The following N4BP2L2 variants were observed in gnomAD, a reference collection of about 807,000 sequenced individuals.
N4BP2L2 encodes the protein NEDD4-binding protein 2-like 2.
A neutral mutation model predicts 56.2 loss-of-function variants in N4BP2L2; 50 were observed. The ratio of observed to expected loss-of-function variants is 0.89; its 90% CI spans 0.71 to 1.13. The LOEUF (loss-of-function observed/expected upper bound fraction) is 1.13, where lower values mean the gene tolerates loss of function less well. Ranked by LOEUF, N4BP2L2 falls within the 50% of genes most tolerant of loss-of-function variation. N4BP2L2 has a pLI of 0.00. For synonymous variants in N4BP2L2, 203 were observed against 223.6 expected, an observed-to-expected ratio of 0.91 and a Z score of 0.82; for missense variants, 689 against 693.8, an observed-to-expected ratio of 0.99 and a Z score of 0.08.
At chr13:32,529,173 A>G (rs1234018789) in intron 2 of N4BP2L2, among the ~76,000 whole-genome samples, 3 of 152,266 alleles carry the variant, frequency 2.0e-5, no homozygotes, top group Non-Finnish European at 4.4e-5. Context: ...TGGAATCAAC[A>G]AATATGGAGG....
At chr13:32,509,540 T>A (rs990550960), downstream of N4BP2L2, 2 of 152,192 alleles carry the variant, frequency 1.3e-5, no homozygotes, top group Non-Finnish European at 2.9e-5. Flanking sequence ...AGAATAAAGC[T>A]CCTAGGACAC....
At chr13:32,478,005 C>A (rs1428143666) in intron 6 of N4BP2L2, 8 of 1,289,338 alleles carry the variant, frequency 6.2e-6, no homozygotes, top group Middle Eastern at 2.1e-4. Context: ...TACTGGTGTT[C>A]ATCATCTTGT....
chr13:32,517,418 A>T, exon 6 of N4BP2L2: 1 of 998,640 alleles, frequency 1.0e-6, no homozygotes. Flanking sequence ...TAAGGTAGTG[A>T]AGGAAAAACC....
exon 6 of N4BP2L2, chr13:32,512,775 T>G (rs529724651): frequency 1.3e-5 from 2 of 152,524 alleles, no homozygotes; most frequent in African/African-American, 2.4e-5. Context: ...CTCATGCCAG[T>G]AATCCCAGCA....
intron 7 of N4BP2L2, among the ~76,000 whole-genome samples, chr13:32,441,443 G>A (rs1406171109): frequency 2.0e-5 from 3 of 152,038 alleles, no homozygotes; most frequent in Non-Finnish European, 4.4e-5. Context: ...CAGCACTTTG[G>A]GAGGCTGAGG....
At chr13:32,505,869 T>A (rs1209585204), downstream of N4BP2L2, 1 of 152,228 alleles carries the variant, frequency 6.6e-6, no homozygotes, top group South Asian at 2.1e-4. Context: ...TCAACATCCA[T>A]ATGTCTACCA....
chr13:32,443,728 T>G, exon 7 of N4BP2L2: 1 of 1,576,112 alleles, frequency 6.3e-7, no homozygotes, highest in African/African-American at 1.4e-5. Flanking sequence ...AACGGAGATT[T>G]CATTTGGCCT....
At chr13:32,460,160 A>G (rs2079772233) in intron 6 of N4BP2L2, among the ~76,000 whole-genome samples, 1 of 152,212 alleles carries the variant, frequency 6.6e-6, no homozygotes, top group Non-Finnish European at 1.5e-5. Context: ...ATACTTCAAC[A>G]TAAAAAAGAC....
intron 3 of N4BP2L2, chr13:32,524,171 G>A (rs1303597657): frequency 6.6e-6 from 1 of 152,202 alleles, no homozygotes; most frequent in East Asian, 1.9e-4. Flanking sequence ...GTCATAAATA[G>A]GTGCCATCAT....
chr13:32,496,177 GC>G (rs2088568951), intron 6 of N4BP2L2, among the ~76,000 whole-genome samples: 1 of 151,748 alleles, frequency 6.6e-6, no homozygotes, highest in Non-Finnish European at 1.5e-5. Flanking sequence ...CTGAAAAAAG[GC>G]ATATGCAACC....
exon 7 of N4BP2L2, chr13:32,443,011 A>G: frequency 1.2e-6 from 2 of 1,613,622 alleles, no homozygotes; most frequent in Non-Finnish European, 1.7e-6. Flanking sequence ...CCTTTCTTTT[A>G]CACCGATACG....
chr13:32,512,313 T>A (rs928519572), exon 6 of N4BP2L2: 1 of 152,176 alleles, frequency 6.6e-6, no homozygotes, highest in Admixed American at 6.5e-5. Context: ...AAGACTTCAA[T>A]GTGAAGTCTT....
At chr13:32,459,894 G>A (rs2079698786) in intron 6 of N4BP2L2, among the ~76,000 whole-genome samples, 1 of 152,164 alleles carries the variant, frequency 6.6e-6, no homozygotes, top group Non-Finnish European at 1.5e-5. Flanking sequence ...GGACACAGAT[G>A]CAAAAATCCT....
intron 3 of N4BP2L2, chr13:32,525,272 A>T (rs898337875): frequency 2.6e-5 from 4 of 152,110 alleles, no homozygotes; most frequent in Admixed American, 6.5e-5. Context: ...TTAAAAAAAT[A>T]AAAAAATTAA....
In N4BP2L2 at chr13:32,492,273, ATTTTTTTT is replaced by A. The variant is rs72053635; in HGVS notation, c.365+25576_365+25583del. ...TTTCTACACATCCCAAAACACCAAA[ATTTTTTTT>A]TTTTTTTTTTTTTTTTTTTGACACA... On this transcript the variant is annotated intron_variant, in intron 6 of 9. Coordinates refer to the N4BP2L2 transcript ENST00000357505. Among the ~76,000 whole-genome samples, 19 of 72,130 alleles carry A rather than the reference ATTTTTTTT, an allele frequency of 2.6e-4. 1 individual carries two copies. Among genetic ancestry groups the A allele is most frequent in the African/African-American group, 4.5e-4 (8 of 17,656 alleles). The allele number at this position is 72,130 out of a possible 152,430, so 47.3% of individuals were successfully genotyped here.
chr13:32,524,617 T>C (rs951227671), intron 3 of N4BP2L2: 3 of 152,238 alleles, frequency 2.0e-5, no homozygotes, highest in East Asian at 1.9e-4. Flanking sequence ...CAGATTTTCA[T>C]AGAATGGTGC....
intron 6 of N4BP2L2, among the ~76,000 whole-genome samples, chr13:32,493,957 A>C (rs2139398679): frequency 6.6e-6 from 1 of 152,214 alleles, no homozygotes; most frequent in African/African-American, 2.4e-5. Flanking sequence ...ATCTCTTTGG[A>C]TTTCGCTTTC....
chr13:32,447,426 G>T (rs898510986), intron 6 of N4BP2L2, among the ~76,000 whole-genome samples: 1 of 152,246 alleles, frequency 6.6e-6, no homozygotes, highest in Non-Finnish European at 1.5e-5. Context: ...GGTGGAGGCA[G>T]TGAGAAGGGA....
chr13:32,505,765 C>T (rs1047659786), downstream of N4BP2L2: 1 of 152,156 alleles, frequency 6.6e-6, no homozygotes, highest in Non-Finnish European at 1.5e-5. Context: ...CATATTTCTA[C>T]CAATATTTAT....
Sources: allele counts gnomAD v4.1 joint callset (sites outside exome capture counted in the v4.1 genomes callset), GRCh38; gene constraint gnomAD v4.1.1; transcripts MANE v1.5; gene names NCBI Gene and HGNC (gene_info 2026-07-23, HGNC 2026-07-21).